The following DNM3 variants were observed in gnomAD, a reference collection of about 807,000 sequenced individuals.
The protein encoded by DNM3 is dynamin 3.
DNM3 carries 47 observed loss-of-function variants against 101.6 expected under a neutral mutation model. The ratio of observed to expected loss-of-function variants is 0.46; its 90% CI spans 0.37 to 0.59. The LOEUF (loss-of-function observed/expected upper bound fraction) is 0.59, where lower values mean the gene tolerates loss of function less well. Ranked by LOEUF, DNM3 falls within the 20% of genes least tolerant of loss-of-function variation. DNM3 has a pLI of 0.00. For missense variants in DNM3, 849 were observed against 1,085.7 expected (o/e 0.78, Z 3.06); for synonymous variants, 385 against 387.9 (o/e 0.99, Z 0.09).
chr1:172,150,005 G>A (rs768971425), intron 14 of DNM3, among the ~76,000 whole-genome samples: 10 of 152,046 alleles, frequency 6.6e-5, no homozygotes, highest in Non-Finnish European at 1.0e-4. Flanking sequence ...GCATACTTGC[G>A]TAATACATAG....
At chr1:171,964,317 A>G (rs1176021302) in intron 2 of DNM3, among the ~76,000 whole-genome samples, 1 of 152,152 alleles carries the variant, frequency 6.6e-6, no homozygotes, top group Non-Finnish European at 1.5e-5. Flanking sequence ...CTTCACCTAC[A>G]TAATAAGAAC....
chr1:172,137,865 TAACAGTGCATA>T (rs1214256809), intron 14 of DNM3: 1 of 152,178 alleles, frequency 6.6e-6, no homozygotes, highest in Non-Finnish European at 1.5e-5. Flanking sequence ...TCACTCCAGT[TAACAGTGCATA>T]AACTGAAGTT....
At chr1:172,294,818 G>A (rs1400430793) in intron 15 of DNM3, among the ~76,000 whole-genome samples, 3 of 151,532 alleles carry the variant, frequency 2.0e-5, no homozygotes, top group Non-Finnish European at 2.9e-5. Context: ...AAGCTGAGGT[G>A]GAAGGATGGT....
intron 15 of DNM3, among the ~76,000 whole-genome samples, chr1:172,290,580 G>C (rs1160652242): frequency 6.6e-6 from 1 of 152,134 alleles, no homozygotes; most frequent in Non-Finnish European, 1.5e-5. Flanking sequence ...AGTGACTGGA[G>C]GATAGTAAAC....
At chr1:171,897,915 C>G (rs1330536795) in intron 1 of DNM3, among the ~76,000 whole-genome samples, 1 of 140,908 alleles carries the variant, frequency 7.1e-6, no homozygotes, top group Admixed American at 7.5e-5. Context: ...TCTAGGTCTG[C>G]GGTTCATTTT....
At chr1:172,062,532 G>C (rs1172742536) in intron 10 of DNM3, among the ~76,000 whole-genome samples, 1 of 151,982 alleles carries the variant, frequency 6.6e-6, no homozygotes, top group Non-Finnish European at 1.5e-5. Context: ...CACTTCTCCT[G>C]CTATTTGTTG....
At chr1:172,308,920 A>G in intron 16 of DNM3, 81 bp downstream of exon 16, 1 of 728,392 alleles carries the variant, frequency 1.4e-6, no homozygotes, top group Non-Finnish European at 2.1e-6. Context: ...CATAAGCTGG[A>G]GAAACTAGTT....
chr1:172,350,698 C>T (rs1433977876), intron 17 of DNM3, among the ~76,000 whole-genome samples: 1 of 152,178 alleles, frequency 6.6e-6, no homozygotes, highest in Non-Finnish European at 1.5e-5. Flanking sequence ...CTCTCTTTTA[C>T]ACAAGACACA....
At chr1:172,218,677 G>T (rs183089935) in intron 14 of DNM3, among the ~76,000 whole-genome samples, 72 of 152,194 alleles carry the variant, frequency 4.7e-4, no homozygotes, top group Admixed American at 2.1e-3. Flanking sequence ...TTCAGATAAG[G>T]AATTGTGGAC....
rs779582373 is a variant in DNM3, at chr1:172,033,110, G to C, written c.694G>C (p.Val232Leu). Residue 232 changes from valine (V) to leucine (L), a missense_variant, in exon 6 of 21, where the codon GTG becomes CTG. Val to Leu is a conservative substitution (Grantham distance 32, BLOSUM62 1). Coordinates refer to ENST00000627582, the MANE Select transcript of DNM3 (RefSeq NM_015569.5). The stretch of plus-strand genomic sequence containing the variant: ...AGATTTGTGTTTTGTTTCAGGTTAC[G>C]TGGGGGTGGTAAACAGAAGCCAGAA... ...NKLLPLRRGY[V>L]GVVNRSQKDI... 1 of 1,611,728 alleles carries C rather than the reference G, an allele frequency of 6.2e-7. No individual in the cohort carries two copies. Among genetic ancestry groups the C allele is most frequent in the Admixed American group, 1.7e-5 (1 of 59,646 alleles).
intron 14 of DNM3, among the ~76,000 whole-genome samples, chr1:172,210,163 G>T (rs1301851129): frequency 6.6e-6 from 1 of 152,054 alleles, no homozygotes; most frequent in Non-Finnish European, 1.5e-5. Context: ...ACTTAGCAAA[G>T]TTCACTTTTT....
chr1:172,169,007 A>G (rs1435468064), intron 14 of DNM3, among the ~76,000 whole-genome samples: 5 of 151,984 alleles, frequency 3.3e-5, no homozygotes, highest in South Asian at 2.1e-4. Context: ...GCAAATAATT[A>G]TAAGTCAGGG....
intron 13 of DNM3, among the ~76,000 whole-genome samples, chr1:172,099,505 T>C (rs1208659425): frequency 6.6e-6 from 1 of 151,940 alleles, no homozygotes. Flanking sequence ...TGAACAGAAC[T>C]TGGTCATTTG....
At chr1:172,255,299 T>A (rs746315193) in intron 15 of DNM3, among the ~76,000 whole-genome samples, 7 of 152,152 alleles carry the variant, frequency 4.6e-5, no homozygotes, top group Non-Finnish European at 7.4e-5. Flanking sequence ...TCTGCCACAC[T>A]GCAGCCAAGC....
chr1:172,026,133 A>G (rs989782988), intron 4 of DNM3, among the ~76,000 whole-genome samples: 1 of 152,156 alleles, frequency 6.6e-6, no homozygotes, highest in Non-Finnish European at 1.5e-5. Context: ...GGAGCTGAAA[A>G]ACACAGCACG....
intron 14 of DNM3, among the ~76,000 whole-genome samples, chr1:172,222,915 A>C (rs1172801028): frequency 6.6e-6 from 1 of 152,000 alleles, no homozygotes; most frequent in Admixed American, 6.6e-5. Context: ...CTCTATTATC[A>C]GTTTCTTTTT....
rs958082127 is a variant in DNM3, at chr1:171,841,680, G to A, written c.24G>A (p.Glu8=). The change falls in exon 1 of 21, where the codon GAG becomes GAA. Residue 8 remains glutamate (E), a synonymous_variant. Coordinates refer to ENST00000627582, the MANE Select transcript of DNM3 (RefSeq NM_015569.5). ...AGATGGGGAACCGGGAGATGGAGGA[G>A]CTGATCCCGCTGGTGAACCGTCTGC... The part of the protein sequence containing the change: MGNREME[E]LIPLVNRLQD... The A allele has an allele frequency of 1.9e-6, 3 of 1,611,604 alleles. No homozygotes were observed. In the African/African-American group the frequency reaches 4.0e-5, roughly 22 times the overall value.
chr1:172,250,032 A>G (rs1393278578), intron 14 of DNM3, among the ~76,000 whole-genome samples: 1 of 152,184 alleles, frequency 6.6e-6, no homozygotes, highest in East Asian at 1.9e-4. Flanking sequence ...AGTTGACTGA[A>G]CATTCTAAAT....
intron 14 of DNM3, among the ~76,000 whole-genome samples, chr1:172,252,440 T>A (rs1219882043): frequency 6.6e-6 from 1 of 152,198 alleles, no homozygotes; most frequent in Non-Finnish European, 1.5e-5. Context: ...GTCTATATGC[T>A]GTAGGAACAA....
Sources: allele counts gnomAD v4.1 joint callset (sites outside exome capture counted in the v4.1 genomes callset), GRCh38; gene constraint gnomAD v4.1.1; transcripts MANE v1.5; gene names NCBI Gene and HGNC (gene_info 2026-07-23, HGNC 2026-07-21).